Variants in CNTNAP2 observed in about 807,000 individuals in gnomAD.
CNTNAP2 encodes the protein contactin-associated protein-like 2.
In CNTNAP2, 98 loss-of-function variants were observed where a neutral mutation model predicts 155.2. That is an observed-to-expected ratio of 0.63 (90% CI 0.54 to 0.75). The LOEUF (loss-of-function observed/expected upper bound fraction) is 0.75, where lower values mean the gene tolerates loss of function less well. CNTNAP2 is among the 30% of genes least tolerant of loss of function. The pLI is 0.00. For synonymous variants in CNTNAP2, 651 were observed against 631.2 expected (o/e 1.03, Z -0.47); for missense variants, 1,727 against 1,688.1 (o/e 1.02, Z -0.40).
chr7:147,503,707 C>G (rs1278878365), intron 11 of CNTNAP2, among the ~76,000 whole-genome samples: 1 of 151,352 alleles, frequency 6.6e-6, no homozygotes, highest in Non-Finnish European at 1.5e-5. Context: ...ATATTTTTGA[C>G]AGCAATTAGT....
At chr7:146,384,933 G>A in intron 1 of CNTNAP2, among the ~76,000 whole-genome samples, 1 of 152,078 alleles carries the variant, frequency 6.6e-6, no homozygotes, top group Non-Finnish European at 1.5e-5. Flanking sequence ...GGGATGATCT[G>A]GTTCACTATT....
intron 3 of CNTNAP2, among the ~76,000 whole-genome samples, chr7:146,955,404 A>G (rs1222670599): frequency 6.6e-6 from 1 of 151,948 alleles, no homozygotes; most frequent in Admixed American, 6.6e-5. Flanking sequence ...GTGTCTCTTA[A>G]AAAGTTAGTC....
intron 19 of CNTNAP2, among the ~76,000 whole-genome samples, chr7:148,221,619 C>T (rs1451961620): frequency 1.3e-5 from 2 of 152,132 alleles, no homozygotes; most frequent in African/African-American, 4.8e-5. Context: ...TAGGAAAAAA[C>T]ATCAGTAAGG....
chr7:147,207,196 G>T (rs2116563373), intron 8 of CNTNAP2, among the ~76,000 whole-genome samples: 1 of 152,202 alleles, frequency 6.6e-6, no homozygotes, highest in South Asian at 2.1e-4. Flanking sequence ...TAATAAAGAG[G>T]AAAATATAAA....
At chr7:146,169,483 T>C (rs1798358256) in intron 1 of CNTNAP2, among the ~76,000 whole-genome samples, 1 of 152,164 alleles carries the variant, frequency 6.6e-6, no homozygotes, top group Non-Finnish European at 1.5e-5. Flanking sequence ...TCTCACGTAG[T>C]TACCTTATTT....
chr7:147,087,143 T>C (rs1800295595), intron 4 of CNTNAP2, among the ~76,000 whole-genome samples: 1 of 152,218 alleles, frequency 6.6e-6, no homozygotes, highest in South Asian at 2.1e-4. Context: ...AACCGTTCTC[T>C]GGGGCCTCAA....
At chr7:146,903,464 A>G (rs2129214217) in intron 3 of CNTNAP2, among the ~76,000 whole-genome samples, 1 of 152,300 alleles carries the variant, frequency 6.6e-6, no homozygotes, top group Non-Finnish European at 1.5e-5. Flanking sequence ...ACTCCAACAA[A>G]ATAAAACAAA....
At chr7:146,873,936 A>G (rs1795368439) in intron 3 of CNTNAP2, among the ~76,000 whole-genome samples, 1 of 152,202 alleles carries the variant, frequency 6.6e-6, no homozygotes, top group Non-Finnish European at 1.5e-5. Flanking sequence ...CCAAGAAAAT[A>G]TAGCTTATAT....
chr7:146,734,366 A>G (rs1801575931), intron 1 of CNTNAP2, among the ~76,000 whole-genome samples: 1 of 152,212 alleles, frequency 6.6e-6, no homozygotes, highest in South Asian at 2.1e-4. Flanking sequence ...GTGACTGAGA[A>G]GAAGAAAATG....
At chr7:147,477,300 A>G (rs1184049900) in intron 10 of CNTNAP2, among the ~76,000 whole-genome samples, 1 of 152,240 alleles carries the variant, frequency 6.6e-6, no homozygotes, top group Non-Finnish European at 1.5e-5. Flanking sequence ...AAGAAAAAGT[A>G]TAACCTCAAA....
intron 15 of CNTNAP2, among the ~76,000 whole-genome samples, chr7:148,010,831 C>G (rs1802068047): frequency 1.3e-5 from 2 of 151,988 alleles, no homozygotes; most frequent in South Asian, 4.1e-4. Context: ...CTTTTGGGCT[C>G]TATATTTTTT....
At chr7:146,969,844 A>C (rs907440127) in intron 3 of CNTNAP2, among the ~76,000 whole-genome samples, 3 of 152,154 alleles carry the variant, frequency 2.0e-5, no homozygotes, top group African/African-American at 7.2e-5. Context: ...ACAGCATGGT[A>C]CTGGTACCAA....
chr7:146,448,182 A>C (rs1173457401), intron 1 of CNTNAP2, among the ~76,000 whole-genome samples: 3 of 152,034 alleles, frequency 2.0e-5, no homozygotes, highest in African/African-American at 4.8e-5. Flanking sequence ...CAAAACTATC[A>C]AATCACAAAT....
At chr7:146,438,283 G>A (rs1231978509) in intron 1 of CNTNAP2, among the ~76,000 whole-genome samples, 1 of 106,570 alleles carries the variant, frequency 9.4e-6, no homozygotes, top group Admixed American at 9.7e-5. Flanking sequence ...ATCCATAGAA[G>A]CTTTTTTTTT....
intron 12 of CNTNAP2, among the ~76,000 whole-genome samples, chr7:147,608,210 GAA>G (rs35636899): frequency 4.6e-4 from 67 of 144,272 alleles, no homozygotes; most frequent in African/African-American, 1.1e-3. Flanking sequence ...GTTCATCTCA[GAA>G]AAAAAAAAAA....
At chr7:146,785,039 G>A (rs1802552571) in intron 2 of CNTNAP2, among the ~76,000 whole-genome samples, 1 of 151,154 alleles carries the variant, frequency 6.6e-6, no homozygotes, top group Non-Finnish European at 1.5e-5. Flanking sequence ...GCATGATCAG[G>A]GCTCGCTACA....
chr7:147,774,711 T>C (rs1797531354), intron 13 of CNTNAP2, among the ~76,000 whole-genome samples: 1 of 152,124 alleles, frequency 6.6e-6, no homozygotes, highest in South Asian at 2.1e-4. Flanking sequence ...AGGAACCAGA[T>C]TGGATGGCAC....
intron 15 of CNTNAP2, among the ~76,000 whole-genome samples, chr7:148,078,191 G>C (rs534760876): frequency 4.6e-5 from 7 of 151,974 alleles, no homozygotes; most frequent in Admixed American, 4.6e-4. Flanking sequence ...AGCCTCTCAA[G>C]TAGCTGGGAT....
At chr7:146,904,948 C>T (rs568028911) in intron 3 of CNTNAP2, among the ~76,000 whole-genome samples, 2 of 152,138 alleles carry the variant, frequency 1.3e-5, no homozygotes, top group Non-Finnish European at 2.9e-5. Context: ...TTTGTCCTTA[C>T]ACCTTACCAC....
Sources: gnomAD v4.1 joint callset for allele counts (sites outside exome capture counted in the v4.1 genomes callset) on GRCh38, gnomAD v4.1.1 for gene constraint, MANE v1.5 for transcripts, NCBI Gene and HGNC (gene_info 2026-07-23, HGNC 2026-07-21) for gene names.